BTBD1: variants seen among roughly 807,000 people sequenced by gnomAD.
BTBD1 encodes BTB/POZ domain-containing protein 1.
BTBD1 carries 34 observed loss-of-function variants against 48.0 expected under a neutral mutation model. That is an observed-to-expected ratio of 0.71 (90% CI 0.54 to 0.94). The LOEUF (loss-of-function observed/expected upper bound fraction) is 0.94, where lower values mean the gene tolerates loss of function less well. BTBD1 is among the 40% of genes least tolerant of loss of function. The pLI, the probability that BTBD1 is intolerant of heterozygous loss-of-function variation, is 0.00. For missense variants in BTBD1, 543 were observed against 625.6 expected, an observed-to-expected ratio of 0.87 and a Z score of 1.41; for synonymous variants, 261 against 242.1, an observed-to-expected ratio of 1.08 and a Z score of -0.72.
intron 3 of BTBD1, among the ~76,000 whole-genome samples, chr15:83,043,006 G>A (rs2032798163): frequency 6.6e-6 from 1 of 152,166 alleles, no homozygotes; most frequent in African/African-American, 2.4e-5. Context: ...AGCCAGGCAT[G>A]GTGGCATGCA....
chr15:83,064,916 A>T (rs2033234875), intron 1 of BTBD1, among the ~76,000 whole-genome samples: 1 of 152,216 alleles, frequency 6.6e-6, no homozygotes, highest in Non-Finnish European at 1.5e-5. Context: ...GAAACAAAGA[A>T]TAAAGAAGAA....
intron 3 of BTBD1, among the ~76,000 whole-genome samples, chr15:83,045,725 A>C (rs544003917): frequency 1.4e-4 from 21 of 152,320 alleles, no homozygotes; most frequent in African/African-American, 5.1e-4. Context: ...AGATGAGTAT[A>C]AACTATGGCA....
At chr15:83,023,063 C>CTA (rs1219960391) in intron 5 of BTBD1, among the ~76,000 whole-genome samples, 1 of 152,070 alleles carries the variant, frequency 6.6e-6, no homozygotes, top group African/African-American at 2.4e-5. Context: ...CCCTTGCTAA[C>CTA]CCCTTACAAT....
At position 83,067,227 on chromosome 15, in the gene BTBD1, C is replaced by T. The variant is rs1448284502; in HGVS notation, c.-76G>A. The T allele has an allele frequency of 2.3e-6, 3 of 1,289,702 alleles. No individual in the cohort carries two copies. Among genetic ancestry groups the T allele is most frequent in the Non-Finnish European group, 3.0e-6 (3 of 1,011,490 alleles). 79.9% of individuals were successfully genotyped at this position (1,289,702 alleles called of 1,614,324 possible). On this transcript the variant is annotated 5_prime_UTR_variant, in exon 1 of 8. Transcript: ENST00000261721. ...CCCAGGCCGCCTCCGGAGGCCGGCG[C>T]TGCCTCCCTGCCTTCCGGGAAAGGC...
chr15:83,040,699 CAAAAAAA>C (rs71156070), intron 4 of BTBD1, among the ~76,000 whole-genome samples: 1 of 57,232 alleles, frequency 1.7e-5, no homozygotes, highest in Non-Finnish European at 3.5e-5. Context: ...GACCCTGTCT[CAAAAAAA>C]AAAAAAAAAA....
Position 83,020,773 on chromosome 15 carries a change from G to A in BTBD1, c.1056-11C>T, listed in dbSNP as rs751893394. 1.2e-5 allele frequency: 19 copies of A among 1,523,790 alleles called. No individual in the cohort carries two copies. Among genetic ancestry groups the A allele is most frequent in the Non-Finnish European group, 1.7e-5 (19 of 1,103,108 alleles). The allele number at this position is 1,523,790 out of a possible 1,614,324, so 94.4% of individuals were successfully genotyped here. A position where few individuals can be genotyped will look rare whatever the true frequency, so the allele number is the denominator to read the frequency against. ...CTATTAACTGTGAATCTGAGAGAAA[G>A]AAGCCAAAAATAAAATATAATTAAT... On this transcript the variant is annotated splice_polypyrimidine_tract_variant and intron_variant, in intron 5 of 7. Transcript: ENST00000261721.
chr15:83,044,286 C>A, intron 3 of BTBD1: 1 of 719,120 alleles, frequency 1.4e-6, no homozygotes, highest in South Asian at 1.6e-5. Flanking sequence ...CTCAAAGGGT[C>A]AAAATAAATA....
At position 83,050,112 on chromosome 15, in the gene BTBD1, C is replaced by A; in HGVS notation, c.625G>T (p.Asp209Tyr). The A allele has an allele frequency of 6.2e-7, 1 of 1,613,072 alleles. No individual in the cohort carries two copies. The highest frequency in any genetic ancestry group is 8.5e-7 in the Non-Finnish European group (1 of 1,179,448). ...GTAAACCCTTCTGCACTTATTGCAT[C>A]CATTGTGCTTTTGTCTATTGTATCT... is the stretch of plus-strand genomic sequence containing the variant. The part of the protein sequence containing the change: ...CLDTIDKSTM[D>Y]AISAEGFTDI... Residue 209 changes from aspartate to tyrosine, a missense_variant, in exon 3 of 8, where the codon GAT becomes TAT. Physicochemically the swap from Asp to Tyr is radical, Grantham distance 160 (BLOSUM62 -3). Around this residue, in one of 3 missense-constraint regions of BTBD1, gnomAD observed 300 missense variants for 350.0 expected, o/e 0.86. Transcript: ENST00000261721.
At chr15:83,040,699 CAAAAAAAA>C (rs71156070) in intron 4 of BTBD1, among the ~76,000 whole-genome samples, 4 of 57,242 alleles carry the variant, frequency 7.0e-5, no homozygotes, top group Admixed American at 4.0e-4. Flanking sequence ...GACCCTGTCT[CAAAAAAAA>C]AAAAAAAAAA....
At chr15:83,051,904 A>ACC (rs61375537) in intron 2 of BTBD1, among the ~76,000 whole-genome samples, 6 of 149,882 alleles carry the variant, frequency 4.0e-5, no homozygotes, top group Non-Finnish European at 8.9e-5. Flanking sequence ...ACACACACAC[A>ACC]TCTATCTGGG....
At chr15:83,054,397 G>A (rs553965249) in intron 2 of BTBD1, among the ~76,000 whole-genome samples, 1 of 152,204 alleles carries the variant, frequency 6.6e-6, no homozygotes, top group Non-Finnish European at 1.5e-5. Context: ...CAGCATCATA[G>A]TGAGGAGTAA....
intron 2 of BTBD1, among the ~76,000 whole-genome samples, chr15:83,053,424 C>A (rs757407246): frequency 6.6e-6 from 1 of 152,112 alleles, no homozygotes; most frequent in Non-Finnish European, 1.5e-5. Flanking sequence ...ATAGTGACAC[C>A]TGTTAATCCT....
At chr15:83,027,028 G>T (rs1339300806) in intron 5 of BTBD1, among the ~76,000 whole-genome samples, 1 of 151,828 alleles carries the variant, frequency 6.6e-6, no homozygotes, top group African/African-American at 2.4e-5. Context: ...ACATATACAC[G>T]CCTCGCATAG....
intron 2 of BTBD1, among the ~76,000 whole-genome samples, chr15:83,053,984 G>C (rs1428788035): frequency 6.6e-6 from 1 of 152,166 alleles, no homozygotes; most frequent in Non-Finnish European, 1.5e-5. Context: ...ACCCACTGCT[G>C]TCTAGTGTAA....
intron 5 of BTBD1, among the ~76,000 whole-genome samples, chr15:83,029,227 A>G (rs1567103742): frequency 6.6e-6 from 1 of 152,258 alleles, no homozygotes; most frequent in Non-Finnish European, 1.5e-5. Context: ...CAAACTTGTT[A>G]ATTTCCAGTT....
At chr15:83,048,726 G>C (rs1053691247) in intron 3 of BTBD1, among the ~76,000 whole-genome samples, 20 of 152,188 alleles carry the variant, frequency 1.3e-4, no homozygotes, top group South Asian at 2.1e-4. Flanking sequence ...AGAAACAAGA[G>C]TTAAGTTCCT....
intron 3 of BTBD1, among the ~76,000 whole-genome samples, chr15:83,049,053 T>G (rs1355355689): frequency 6.6e-6 from 1 of 152,248 alleles, no homozygotes; most frequent in Non-Finnish European, 1.5e-5. Flanking sequence ...TCATCAAACA[T>G]TTGTATGATT....
intron 2 of BTBD1, among the ~76,000 whole-genome samples, chr15:83,055,401 G>C (rs1439032495): frequency 6.6e-6 from 1 of 151,568 alleles, no homozygotes; most frequent in Non-Finnish European, 1.5e-5. Context: ...AGGGTTACAG[G>C]CATGTGCCAC....
chr15:83,018,701 TCTTA>T lies in BTBD1; in HGVS notation c.1290+2_1290+5del. 2 of 1,613,522 alleles carry T rather than the reference TCTTA, an allele frequency of 1.2e-6. No individual in the cohort carries two copies. Among genetic ancestry groups the T allele is most frequent in the Non-Finnish European group, 1.7e-6 (2 of 1,179,768 alleles). On this transcript the variant is annotated splice_donor_variant and splice_donor_5th_base_variant and intron_variant, in intron 7 of 7. Coordinates refer to ENST00000261721, the MANE Select transcript of BTBD1 (RefSeq NM_025238.4). LOFTEE classifies it high-confidence loss of function. ...AACCATCTGGAACATAGTGCATGAC[TCTTA>T]CTTTGAGTGTTGCACATGCTGTGTA...
Sources: gnomAD v4.1 joint callset for allele counts (sites outside exome capture counted in the v4.1 genomes callset) on GRCh38, gnomAD v4.1.1 for gene constraint, gnomAD v4.1.1 regional missense constraint, MANE v1.5 for transcripts, NCBI Gene and HGNC (gene_info 2026-07-23, HGNC 2026-07-21) for gene names.